Variants in SETDB1 observed in about 807,000 individuals in gnomAD.
SETDB1 encodes the protein SET domain bifurcated histone lysine methyltransferase 1, also known as histone-lysine N-methyltransferase SETDB1.
In SETDB1, 31 loss-of-function variants were observed where a neutral mutation model predicts 137.4. The observed-to-expected ratio is 0.23, with a 90% CI of 0.17 to 0.30. SETDB1 has a LOEUF of 0.30. Ranked by LOEUF, SETDB1 falls within the 10% of genes least tolerant of loss-of-function variation. The pLI is 1.00. For synonymous variants in SETDB1, 548 were observed against 579.9 expected, an observed-to-expected ratio of 0.95 and a Z score of 0.79; for missense variants, 1,113 against 1,631.5, an observed-to-expected ratio of 0.68 and a Z score of 5.47.
At chr1:150,930,253 T>A in intron 3 of SETDB1, 135 bp downstream of exon 3, 3 of 742,856 alleles carry the variant, frequency 4.0e-6, no homozygotes, top group East Asian at 5.2e-5. Context: ...GAGTTGGCTA[T>A]TAAAGAAAAA....
chr1:150,963,864 A>G (rs760753467), intron 20 of SETDB1, 123 bp downstream of exon 20: 3 of 1,291,544 alleles, frequency 2.3e-6, no homozygotes, highest in South Asian at 1.2e-5. Context: ...TTAAAGAGGT[A>G]GCTTTCTTTC....
In SETDB1 at chr1:150,957,918, G is replaced by A. The variant is rs587698830; in HGVS notation, c.2334-1260G>A. On this transcript the variant is annotated intron_variant, in intron 14 of 21. Coordinates refer to ENST00000692827, the MANE Select transcript of SETDB1 (RefSeq NM_001366418.1). ...TGAGCTCCCCTGGGCTGGGCACGGT[G>A]GCTCACACCTGTACTCCCAGCCCTT... Among the ~76,000 whole-genome samples the A allele has an allele frequency of 2.1e-4, 32 of 152,200 alleles. 1 individual carries two copies. In the South Asian group the frequency reaches 6.4e-3, roughly 31 times the overall value.
chr1:150,939,987 G>A lies in SETDB1; in HGVS notation c.447+13G>A, dbSNP rs754549705. Reference sequence around the variant, plus strand: ...AAAAGACCAGAAGGTAAGTTAGGATGGTAAGGGAAGGGTGAGAGATAAGAA... The same window carrying A: ...AAAAGACCAGAAGGTAAGTTAGGATAGTAAGGGAAGGGTGAGAGATAAGAA... On this transcript the variant is annotated intron_variant, in intron 4 of 21. Coordinates refer to ENST00000692827, the MANE Select transcript of SETDB1 (RefSeq NM_001366418.1). 1.9e-5 allele frequency: 31 copies of A among 1,607,174 alleles called. No homozygotes were observed. Among genetic ancestry groups the A allele is most frequent in the Non-Finnish European group, 2.6e-5 (30 of 1,174,036 alleles).
intron 14 of SETDB1, among the ~76,000 whole-genome samples, chr1:150,953,177 A>C (rs1670545607): frequency 6.6e-6 from 1 of 152,172 alleles, no homozygotes; most frequent in Non-Finnish European, 1.5e-5. Context: ...AGATTACTTG[A>C]GGCCTGGAGT....
At chr1:150,961,880 C>T in intron 16 of SETDB1, 2 of 572,234 alleles carry the variant, frequency 3.5e-6, no homozygotes, top group East Asian at 2.7e-5. Context: ...TGAAACTGTC[C>T]CTGGTTGATG....
chr1:150,938,814 AT>A (rs1670032519), intron 3 of SETDB1, among the ~76,000 whole-genome samples: 1 of 120,262 alleles, frequency 8.3e-6, no homozygotes, highest in Admixed American at 8.4e-5. Context: ...TACACGTTTT[AT>A]TTTTATCCTA....
chr1:150,930,213 T>C (rs1436466873), intron 3 of SETDB1, 95 bp downstream of exon 3: 1 of 1,097,920 alleles, frequency 9.1e-7, no homozygotes, highest in African/African-American at 1.6e-5. Context: ...GGAGAAACCA[T>C]TGTCACTAAC....
chr1:150,928,754 C>T (rs1669623366), intron 2 of SETDB1, among the ~76,000 whole-genome samples: 1 of 152,080 alleles, frequency 6.6e-6, no homozygotes, highest in Non-Finnish European at 1.5e-5. Context: ...TTCCCCCCAC[C>T]CCACGACAGG....
intron 3 of SETDB1, among the ~76,000 whole-genome samples, chr1:150,931,726 C>CAAA (rs10691133): frequency 0.088 from 6,311 of 71,932 alleles, 293 homozygotes; most frequent in Non-Finnish European, 0.12. Flanking sequence ...CTGTCTCACC[C>CAAA]AAAAAAAAAA....
intron 14 of SETDB1, among the ~76,000 whole-genome samples, chr1:150,952,825 T>G (rs967779505): frequency 1.3e-5 from 2 of 152,028 alleles, no homozygotes; most frequent in Admixed American, 1.3e-4. Context: ...AGGCGGAGGT[T>G]GTGGTGAGCT....
chr1:150,951,568 C>G (rs966772773), intron 14 of SETDB1, 87 bp downstream of exon 14: 10 of 706,140 alleles, frequency 1.4e-5, no homozygotes, highest in African/African-American at 5.4e-5. Context: ...CATCAGAAAT[C>G]TAAAAATTGG....
chr1:150,946,824 A>G, intron 9 of SETDB1, 62 bp from the exon 10 acceptor site: 1 of 1,584,090 alleles, frequency 6.3e-7, no homozygotes, highest in East Asian at 2.2e-5. Context: ...TCCTCTACAC[A>G]GGACAGGATA....
intron 16 of SETDB1, 86 bp downstream of exon 16, chr1:150,961,277 GATT>G (rs1372459635): frequency 7.5e-7 from 1 of 1,331,876 alleles, no homozygotes; most frequent in Non-Finnish European, 1.1e-6. Context: ...TTTGCATGTA[GATT>G]ATTCTACTTG....
chr1:150,953,459 G>A lies in SETDB1; in HGVS notation c.2333+1978G>A, dbSNP rs145200564. 8.3e-3 allele frequency among the ~76,000 whole-genome samples: 1,256 copies of A among 151,732 alleles called. 23 individuals are homozygous for A. Among genetic ancestry groups the A allele is most frequent in the African/African-American group, 0.029 (1,210 of 41,354 alleles). On this transcript the variant is annotated intron_variant, in intron 14 of 21. Coordinates refer to ENST00000692827, the MANE Select transcript of SETDB1 (RefSeq NM_001366418.1). ...GAGAATCACTTGGACCCAGGAGGTG[G>A]AGGTTGCAGTGAGCCAAGACCGCAC...
At position 150,964,401 on chromosome 1, in the gene SETDB1, T is replaced by G. The variant is rs1670925275; in HGVS notation, c.*37T>G. 1 of 1,482,144 alleles carries G rather than the reference T, an allele frequency of 6.7e-7. No homozygotes were observed. The allele number at this position is 1,482,144 out of a possible 1,614,324, so 91.8% of individuals were successfully genotyped here. A position where few individuals can be genotyped will look rare whatever the true frequency, so the allele number is the denominator to read the frequency against. ...CTTCCCAACCCTTCTTGAACTGTCG[T>G]TTCCTCAGGAACTGGGTCTTCCTGA... On this transcript the variant is annotated 3_prime_UTR_variant, in exon 22 of 22. Coordinates refer to ENST00000692827, the MANE Select transcript of SETDB1 (RefSeq NM_001366418.1).
chr1:150,960,687 C>G lies in SETDB1; in HGVS notation c.2628C>G (p.Pro876=). ...AAGAAGGATATGAGAGTGATGCCCC[C>G]TGTTCCTCTGACAGCAGTGGTGTAG... The part of the protein sequence containing the change: ...NFKEGYESDA[P]CSSDSSGVDL... The change falls in exon 16 of 22, where the codon CCC becomes CCG. Residue 876 remains proline, a synonymous_variant. Transcript: ENST00000692827. 6.2e-7 allele frequency: 1 copy of G among 1,612,600 alleles called. No individual in the cohort carries two copies.
intron 14 of SETDB1, among the ~76,000 whole-genome samples, chr1:150,958,681 C>G (rs1405755227): frequency 6.6e-6 from 1 of 151,964 alleles, no homozygotes; most frequent in Non-Finnish European, 1.5e-5. Flanking sequence ...TCTTTATTCC[C>G]TTTCGTATCT....
intron 7 of SETDB1, 38 bp downstream of exon 7, chr1:150,943,091 G>C (rs774682227): frequency 1.3e-6 from 2 of 1,484,988 alleles, no homozygotes; most frequent in Admixed American, 1.7e-5. Flanking sequence ...TAGAGGCTGG[G>C]AGCACAGCAC....
chr1:150,957,630 G>GT (rs751351450), intron 14 of SETDB1, among the ~76,000 whole-genome samples: 11 of 152,314 alleles, frequency 7.2e-5, no homozygotes, highest in Admixed American at 3.3e-4. Flanking sequence ...GTATAACTGT[G>GT]TTATCTTCCT....
Sources: allele counts gnomAD v4.1 joint callset (sites outside exome capture counted in the v4.1 genomes callset), GRCh38; gene constraint gnomAD v4.1.1; transcripts MANE v1.5; gene names NCBI Gene and HGNC (gene_info 2026-07-23, HGNC 2026-07-21).